PAK5: variants seen among roughly 807,000 people sequenced by gnomAD.
PAK5 encodes the protein serine/threonine-protein kinase PAK 5.
Under a neutral mutation model 65.9 loss-of-function variants are expected in PAK5, and 16 were observed. The observed-to-expected ratio is 0.24, with a 90% CI of 0.16 to 0.37. The LOEUF is 0.37. Among genes scored for constraint, PAK5 ranks in the 10% least tolerant of loss-of-function variants. PAK5 has a pLI of 1.00. For synonymous variants in PAK5, 371 were observed against 354.9 expected, an observed-to-expected ratio of 1.05 and a Z score of -0.51; for missense variants, 785 against 903.9, an observed-to-expected ratio of 0.87 and a Z score of 1.69.
At chr20:9,641,214 A>ACCC (rs1270531956) in intron 3 of PAK5, among the ~76,000 whole-genome samples, 1 of 151,768 alleles carries the variant, frequency 6.6e-6, no homozygotes, top group Non-Finnish European at 1.5e-5. Context: ...CGATTGGTGC[A>ACCC]CCCACAAACC....
intron 1 of PAK5, among the ~76,000 whole-genome samples, chr20:9,719,742 C>T (rs6077593): frequency 0.34 from 51,138 of 151,924 alleles, 9,596 homozygotes; most frequent in South Asian, 0.52. Context: ...CATTGTTCTG[C>T]CTCTGGGCTT....
chr20:9,740,729 C>G (rs1457936539), intron 1 of PAK5, among the ~76,000 whole-genome samples: 1 of 152,172 alleles, frequency 6.6e-6, no homozygotes, highest in Non-Finnish European at 1.5e-5. Context: ...CAACAGCCAG[C>G]CAAGTACAGA....
chr20:9,575,187 A>C (rs1368746443), intron 4 of PAK5, among the ~76,000 whole-genome samples: 1 of 145,684 alleles, frequency 6.9e-6, no homozygotes, highest in Non-Finnish European at 1.5e-5. Context: ...TTTTCTTCCC[A>C]TCCTTTTTGT....
At chr20:9,549,152 G>T (rs1340128116) in intron 7 of PAK5, among the ~76,000 whole-genome samples, 3 of 152,108 alleles carry the variant, frequency 2.0e-5, no homozygotes, top group Non-Finnish European at 2.9e-5. Flanking sequence ...CTTGTAGTCT[G>T]GGATAATTTG....
intron 3 of PAK5, among the ~76,000 whole-genome samples, chr20:9,604,564 G>A (rs772776250): frequency 6.6e-6 from 1 of 152,170 alleles, no homozygotes; most frequent in South Asian, 2.1e-4. Context: ...GAGGAATCAG[G>A]TTTTGAAGCC....
chr20:9,754,088 T>C (rs2048606187), intron 1 of PAK5, among the ~76,000 whole-genome samples: 1 of 152,140 alleles, frequency 6.6e-6, no homozygotes. Context: ...CCTTCCCATA[T>C]CTTTCCAGAA....
chr20:9,724,059 G>A (rs993709970), intron 1 of PAK5, among the ~76,000 whole-genome samples: 13 of 152,094 alleles, frequency 8.5e-5, no homozygotes, highest in Non-Finnish European at 1.5e-4. Flanking sequence ...GATTGCTTGC[G>A]CATTACAAAT....
intron 2 of PAK5, among the ~76,000 whole-genome samples, chr20:9,685,293 C>A (rs1160372673): frequency 6.6e-6 from 1 of 152,114 alleles, no homozygotes; most frequent in Non-Finnish European, 1.5e-5. Flanking sequence ...GAAGTCCTAA[C>A]TTCCAAGGTC....
At chr20:9,666,622 G>A (rs1254304206) in intron 2 of PAK5, among the ~76,000 whole-genome samples, 2 of 151,938 alleles carry the variant, frequency 1.3e-5, no homozygotes, top group African/African-American at 4.8e-5. Context: ...TGGCTACAAT[G>A]TCTCCCCACC....
chr20:9,645,145 T>G (rs971861680), intron 2 of PAK5, among the ~76,000 whole-genome samples: 1 of 152,196 alleles, frequency 6.6e-6, no homozygotes, highest in Non-Finnish European at 1.5e-5. Flanking sequence ...GAAAGTTGAC[T>G]GATATTACCT....
chr20:9,664,467 TA>T (rs2047386617), intron 2 of PAK5, among the ~76,000 whole-genome samples: 1 of 152,186 alleles, frequency 6.6e-6, no homozygotes, highest in Non-Finnish European at 1.5e-5. Context: ...CAACAAGGCA[TA>T]TATCAAAAAT....
chr20:9,814,119 A>T (rs2049329088), intron 1 of PAK5, among the ~76,000 whole-genome samples: 1 of 115,266 alleles, frequency 8.7e-6, no homozygotes, highest in Non-Finnish European at 1.9e-5. Context: ...ATTGCAGTGG[A>T]CTTCAACAGG....
intron 1 of PAK5, among the ~76,000 whole-genome samples, chr20:9,795,053 A>C (rs932048499): frequency 6.6e-6 from 1 of 152,070 alleles, no homozygotes; most frequent in African/African-American, 2.4e-5. Context: ...GGTTTCCATA[A>C]ATACCCTCAG....
intron 1 of PAK5, among the ~76,000 whole-genome samples, chr20:9,789,569 G>A (rs1337977794): frequency 6.6e-6 from 1 of 151,986 alleles, no homozygotes; most frequent in African/African-American, 2.4e-5. Flanking sequence ...AGTATTAGAG[G>A]CGACCTCAAG....
intron 1 of PAK5, among the ~76,000 whole-genome samples, chr20:9,711,805 C>G (rs1270118080): frequency 1.3e-5 from 2 of 152,188 alleles, no homozygotes; most frequent in Non-Finnish European, 2.9e-5. Context: ...ATTTTCAATA[C>G]AGTCAATTCT....
intron 5 of PAK5, among the ~76,000 whole-genome samples, chr20:9,565,353 A>G (rs2045658051): frequency 6.6e-6 from 1 of 152,160 alleles, no homozygotes; most frequent in South Asian, 2.1e-4. Context: ...AGAATTCATT[A>G]TTTTTATAGT....
At chr20:9,588,376 T>C (rs1490489715) in intron 3 of PAK5, among the ~76,000 whole-genome samples, 1 of 152,178 alleles carries the variant, frequency 6.6e-6, no homozygotes, top group Non-Finnish European at 1.5e-5. Context: ...GGTATAAATG[T>C]ATCACACTTT....
intron 1 of PAK5, among the ~76,000 whole-genome samples, chr20:9,712,547 C>T (rs564584615): frequency 6.6e-6 from 1 of 152,176 alleles, no homozygotes; most frequent in African/African-American, 2.4e-5. Flanking sequence ...ACACAAAAGA[C>T]TCCGAATAAC....
intron 4 of PAK5, chr20:9,577,642 T>G (rs2045909884): frequency 2.0e-5 from 3 of 152,220 alleles, no homozygotes. Context: ...CCTCCGTCTT[T>G]TCAGAGAAAT....
Sources: allele counts gnomAD v4.1 joint callset (sites outside exome capture counted in the v4.1 genomes callset), GRCh38; gene constraint gnomAD v4.1.1; transcripts MANE v1.5; gene names NCBI Gene and HGNC (gene_info 2026-07-23, HGNC 2026-07-21).